TMEM233: variants seen among roughly 807,000 people sequenced by gnomAD.
TMEM233 encodes the protein transmembrane protein 233.
TMEM233 carries 6 observed loss-of-function variants against 11.2 expected under a neutral mutation model. That is an observed-to-expected ratio of 0.54 (90% CI 0.29 to 1.06). The LOEUF (loss-of-function observed/expected upper bound fraction) is 1.06, where lower values mean the gene tolerates loss of function less well. Ranked by LOEUF, TMEM233 falls within the 50% of genes least tolerant of loss-of-function variation. TMEM233 has a pLI of 0.08. For missense variants in TMEM233, 127 were observed against 144.7 expected (o/e 0.88, Z 0.63); for synonymous variants, 59 against 55.8 (o/e 1.06, Z -0.26).
At chr12:119,637,337 G>A (rs1316837856) in intron 2 of TMEM233, among the ~76,000 whole-genome samples, 1 of 152,170 alleles carries the variant, frequency 6.6e-6, no homozygotes, top group Non-Finnish European at 1.5e-5. Context: ...TTTCATTAAG[G>A]AAAAACTTAC....
the TMEM233 span, among the ~76,000 whole-genome samples, chr12:119,650,789 T>C: frequency 6.6e-6 from 1 of 152,200 alleles, no homozygotes; most frequent in Non-Finnish European, 1.5e-5. Context: ...ATTACAGGCA[T>C]GAGCCACCAC....
In TMEM233 at chr12:119,594,207, C is replaced by T; in HGVS notation, c.186+173C>T. 1.6e-6 allele frequency: 1 copy of T among 642,870 alleles called. No homozygotes were observed. Among genetic ancestry groups the T allele is most frequent in the Admixed American group, 2.9e-5 (1 of 34,640 alleles). 39.8% of individuals were successfully genotyped at this position (642,870 alleles called of 1,614,324 possible). A position where few individuals can be genotyped will look rare whatever the true frequency, so the allele number is the denominator to read the frequency against. ...CTTTCTCGGGCTCTCAGAGCTCTCC[C>T]CGCAATCATCAGCACCTCCTCTGCA... On this transcript the variant is annotated intron_variant, in intron 1 of 2. Transcript: ENST00000426426. The surrounding 1 kb of genome is among the most constrained non-coding windows in gnomAD (Gnocchi z 5.6).
In TMEM233 at chr12:119,629,824, T is replaced by C. The variant is rs764198454; in HGVS notation, c.275T>C (p.Ile92Thr). ...AKWVAIASIIIGLLIIGISCA... is the reference protein window; with the variant it reads ...AKWVAIASIITGLLIIGISCA... ...TGGGTAGCCATCGCCTCCATCATCA[T>C]TGGCCTTCTCATCATCGGCATTTCT... The change falls in exon 2 of 3, where the codon ATT (isoleucine) becomes ACT (threonine). Residue 92 changes from isoleucine (I) to threonine (T), a missense_variant. Physicochemically the swap from Ile to Thr is moderately conservative, Grantham distance 89. Coordinates refer to ENST00000426426, the MANE Select transcript of TMEM233 (RefSeq NM_001136534.3). The C allele has an allele frequency of 6.4e-6, 10 of 1,551,720 alleles. No individual in the cohort carries two copies. The highest frequency in any genetic ancestry group is 7.8e-6 in the Non-Finnish European group (9 of 1,146,986).
chr12:119,602,637 G>T (rs954745203), intron 1 of TMEM233, among the ~76,000 whole-genome samples: 13 of 152,160 alleles, frequency 8.5e-5, no homozygotes, highest in African/African-American at 3.1e-4. Flanking sequence ...TTTGCCACTT[G>T]GTGGCCACTG....
chr12:119,617,079 T>C (rs1199848573), intron 1 of TMEM233, among the ~76,000 whole-genome samples: 1 of 152,084 alleles, frequency 6.6e-6, no homozygotes, highest in Non-Finnish European at 1.5e-5. Flanking sequence ...GGAGCTGCTA[T>C]AAAGATACCA....
At chr12:119,596,547 A>G (rs1268047957) in intron 1 of TMEM233, among the ~76,000 whole-genome samples, 2 of 124,592 alleles carry the variant, frequency 1.6e-5, no homozygotes, top group East Asian at 2.4e-4. Flanking sequence ...GCTGGAGTGC[A>G]GTGGCACAAT....
chr12:119,609,305 A>T (rs1954346671), intron 1 of TMEM233, among the ~76,000 whole-genome samples: 1 of 152,228 alleles, frequency 6.6e-6, no homozygotes, highest in Non-Finnish European at 1.5e-5. Flanking sequence ...GAAATTTCTA[A>T]GCAATAAAGC....
At chr12:119,614,339 G>A (rs914827644) in intron 1 of TMEM233, among the ~76,000 whole-genome samples, 13 of 152,054 alleles carry the variant, frequency 8.5e-5, no homozygotes, top group African/African-American at 2.4e-4. Flanking sequence ...CGTGGGAAGC[G>A]GAGGCTTCAG....
the TMEM233 span, among the ~76,000 whole-genome samples, chr12:119,650,384 C>A: frequency 1.6e-4 from 24 of 152,284 alleles, no homozygotes; most frequent in African/African-American, 4.3e-4. Context: ...ATTTTAAAAT[C>A]CATGATCTTA....
chr12:119,646,848 T>C (rs948310878), downstream of TMEM233, among the ~76,000 whole-genome samples: 5 of 152,246 alleles, frequency 3.3e-5, no homozygotes, highest in African/African-American at 9.6e-5. Flanking sequence ...CTCTTTACCA[T>C]GTAACCCAAC....
intron 2 of TMEM233, among the ~76,000 whole-genome samples, chr12:119,631,845 C>T (rs1339566853): frequency 1.3e-5 from 2 of 152,210 alleles, no homozygotes; most frequent in African/African-American, 2.4e-5. Context: ...TAAAGGTTAA[C>T]TGGATGACCC....
the TMEM233 span, among the ~76,000 whole-genome samples, chr12:119,648,740 T>TAATGAATG: frequency 6.6e-6 from 1 of 152,180 alleles, no homozygotes; most frequent in African/African-American, 2.4e-5. Context: ...AATAGTTATT[T>TAATGAATG]AATGAATGAA....
chr12:119,619,759 A>G (rs188495773), intron 1 of TMEM233, among the ~76,000 whole-genome samples: 349 of 152,276 alleles, frequency 2.3e-3, no homozygotes, highest in Middle Eastern at 6.8e-3. Context: ...GCTTTGAATA[A>G]TATTTTGGAC....
chr12:119,644,194 CA>C (rs1396933118), downstream of TMEM233, among the ~76,000 whole-genome samples: 1 of 152,096 alleles, frequency 6.6e-6, no homozygotes, highest in Admixed American at 6.6e-5. Flanking sequence ...ATGCTGTGGC[CA>C]GGGGTGTGTG....
At chr12:119,633,572 G>T (rs1954925148) in intron 2 of TMEM233, among the ~76,000 whole-genome samples, 1 of 152,138 alleles carries the variant, frequency 6.6e-6, no homozygotes, top group African/African-American at 2.4e-5. Context: ...ACATGACAGA[G>T]TGAGACCCTG....
chr12:119,639,552 G>A (rs1955039434), intron 2 of TMEM233, among the ~76,000 whole-genome samples: 1 of 152,008 alleles, frequency 6.6e-6, no homozygotes, highest in South Asian at 2.1e-4. Context: ...AACCCAGGAG[G>A]TGGAGGTTGC....
At chr12:119,647,776 C>T (rs1374173990), downstream of TMEM233, among the ~76,000 whole-genome samples, 2 of 147,408 alleles carry the variant, frequency 1.4e-5, no homozygotes, top group Non-Finnish European at 3.0e-5. Flanking sequence ...CTCCCTTTGC[C>T]CCCCACCCCC....
chr12:119,619,686 T>C (rs1482044338), intron 1 of TMEM233, among the ~76,000 whole-genome samples: 2 of 151,846 alleles, frequency 1.3e-5, no homozygotes, highest in East Asian at 3.9e-4. Context: ...ATCTATTCAC[T>C]CAGGAGTTAT....
chr12:119,608,374 C>T (rs1954327183), intron 1 of TMEM233, among the ~76,000 whole-genome samples: 1 of 152,206 alleles, frequency 6.6e-6, no homozygotes, highest in African/African-American at 2.4e-5. Context: ...TGGCAGACAG[C>T]AGCGACAATG....
Sources: gnomAD v4.1 joint callset for allele counts (sites outside exome capture counted in the v4.1 genomes callset) on GRCh38, gnomAD v4.1.1 for gene constraint, Gnocchi (gnomAD v3.1) non-coding constraint, MANE v1.5 for transcripts, NCBI Gene and HGNC (gene_info 2026-07-23, HGNC 2026-07-21) for gene names.